ZFHX3: variants seen among roughly 807,000 people sequenced by gnomAD.
The protein encoded by ZFHX3 is zinc finger homeobox protein 3.
A neutral mutation model predicts 279.1 loss-of-function variants in ZFHX3; 42 were observed. That is an observed-to-expected ratio of 0.15 (90% CI 0.12 to 0.19). ZFHX3 has a LOEUF of 0.19. Among genes scored for constraint, ZFHX3 ranks in the 10% least tolerant of loss-of-function variants. The pLI is 1.00. For missense variants in ZFHX3, 4,981 were observed against 4,754.0 expected, an observed-to-expected ratio of 1.05 and a Z score of -1.40; for synonymous variants, 2,293 against 1,957.8, an observed-to-expected ratio of 1.17 and a Z score of -4.52.
intron 2 of ZFHX3, among the ~76,000 whole-genome samples, chr16:73,572,705 G>A (rs149222869): frequency 2.6e-5 from 4 of 152,288 alleles, no homozygotes; most frequent in African/African-American, 9.6e-5. Context: ...CTTGTGCCTG[G>A]CTTGTATTCA....
chr16:73,395,228 G>A (rs965150630), intron 3 of ZFHX3, among the ~76,000 whole-genome samples: 14 of 152,196 alleles, frequency 9.2e-5, no homozygotes, highest in Non-Finnish European at 2.1e-4. Flanking sequence ...ACTTTGGGAG[G>A]CCGAGGCAGG....
chr16:73,675,043 G>T (rs1302546652), intron 2 of ZFHX3, among the ~76,000 whole-genome samples: 1 of 152,134 alleles, frequency 6.6e-6, no homozygotes, highest in Non-Finnish European at 1.5e-5. Context: ...AGCTGTCAGT[G>T]ATACTCTGCC....
intron 8 of ZFHX3, among the ~76,000 whole-genome samples, chr16:73,090,236 A>T (rs1966056772): frequency 6.6e-6 from 1 of 151,956 alleles, no homozygotes; most frequent in African/African-American, 2.4e-5. Flanking sequence ...TCTATGAAAA[A>T]TACAAAAATT....
At chr16:73,056,083 G>T (rs567912408) in intron 1 of ZFHX3, among the ~76,000 whole-genome samples, 2 of 152,266 alleles carry the variant, frequency 1.3e-5, no homozygotes, top group South Asian at 4.2e-4. Context: ...ACAGACAGAG[G>T]AAGGCTGCTG....
chr16:73,292,565 A>T (rs568215977), intron 4 of ZFHX3, among the ~76,000 whole-genome samples: 1 of 152,382 alleles, frequency 6.6e-6, no homozygotes, highest in Non-Finnish European at 1.5e-5. Flanking sequence ...CTGAAAAAGG[A>T]TCTTTTATGT....
At chr16:73,328,572 A>G (rs2015738521) in intron 3 of ZFHX3, among the ~76,000 whole-genome samples, 1 of 152,220 alleles carries the variant, frequency 6.6e-6, no homozygotes, top group South Asian at 2.1e-4. Flanking sequence ...AAGACCACAT[A>G]GCTAGAAGTT....
intron 3 of ZFHX3, among the ~76,000 whole-genome samples, chr16:73,408,336 C>T (rs1311786238): frequency 6.6e-6 from 1 of 152,112 alleles, no homozygotes; most frequent in Non-Finnish European, 1.5e-5. Flanking sequence ...TCAACTCGGA[C>T]AAGCCAGAGT....
At chr16:72,934,879 C>T (rs1960029642) in intron 3 of ZFHX3, among the ~76,000 whole-genome samples, 1 of 152,116 alleles carries the variant, frequency 6.6e-6, no homozygotes, top group Non-Finnish European at 1.5e-5. Context: ...TTTTAAAGGC[C>T]CCTGGGCTAA....
chr16:73,676,979 G>GAAT (rs1303141433), intron 2 of ZFHX3, among the ~76,000 whole-genome samples: 1 of 151,894 alleles, frequency 6.6e-6, no homozygotes, highest in East Asian at 1.9e-4. Flanking sequence ...AAAAGTTAAA[G>GAAT]AATAGTAAGA....
chr16:72,894,205 G>A (rs1204556734), intron 3 of ZFHX3, among the ~76,000 whole-genome samples: 1 of 151,230 alleles, frequency 6.6e-6, no homozygotes, highest in Non-Finnish European at 1.5e-5. Context: ...GGAAACAGCT[G>A]TGCATAAACC....
chr16:73,333,433 G>C (rs2015844735), intron 3 of ZFHX3, among the ~76,000 whole-genome samples: 2 of 152,078 alleles, frequency 1.3e-5, no homozygotes, highest in South Asian at 4.2e-4. Context: ...CACATAAATA[G>C]GTAGATACAC....
chr16:72,928,484 G>A (rs971883199), intron 3 of ZFHX3, among the ~76,000 whole-genome samples: 3 of 151,920 alleles, frequency 2.0e-5, no homozygotes, highest in African/African-American at 7.3e-5. Flanking sequence ...GGCAGCACCC[G>A]GCTCACCAAG....
intron 2 of ZFHX3, among the ~76,000 whole-genome samples, chr16:73,552,032 A>T (rs562962066): frequency 2.6e-5 from 4 of 151,432 alleles, no homozygotes; most frequent in Admixed American, 6.6e-5. Flanking sequence ...TGTGTGTGTG[A>T]GAGAGAGAGA....
chr16:73,140,883 G>A (rs1223247892), intron 6 of ZFHX3, among the ~76,000 whole-genome samples: 2 of 151,976 alleles, frequency 1.3e-5, no homozygotes, highest in Admixed American at 6.6e-5. Context: ...AAAAAAACAC[G>A]AATGGGGAGA....
At chr16:73,004,110 A>C (rs73594738) in intron 1 of ZFHX3, among the ~76,000 whole-genome samples, 2,020 of 140,710 alleles carry the variant, frequency 0.014, 53 homozygotes, top group African/African-American at 0.052. Flanking sequence ...TTGCCCATTT[A>C]TCTCTTTTTA....
intron 3 of ZFHX3, among the ~76,000 whole-genome samples, chr16:72,938,354 T>C (rs1295402389): frequency 6.6e-6 from 1 of 152,270 alleles, no homozygotes; most frequent in Non-Finnish European, 1.5e-5. Flanking sequence ...ATCTGTTGGA[T>C]TAATTAGCTG....
intron 1 of ZFHX3, among the ~76,000 whole-genome samples, chr16:73,778,175 T>A (rs557594085): frequency 1.4e-5 from 2 of 139,536 alleles, no homozygotes; most frequent in African/African-American, 2.7e-5. Context: ...ATAATTCTTA[T>A]GCAACAACTC....
chr16:73,540,676 CT>C (rs2143748504), intron 2 of ZFHX3, among the ~76,000 whole-genome samples: 1 of 152,316 alleles, frequency 6.6e-6, no homozygotes, highest in East Asian at 1.9e-4. Flanking sequence ...TAATACCAGT[CT>C]GAAAATCATC....
chr16:73,323,719 A>G (rs8182155), intron 3 of ZFHX3, among the ~76,000 whole-genome samples: 60,857 of 151,550 alleles, frequency 0.4, 13,946 homozygotes, highest in Non-Finnish European at 0.53. Flanking sequence ...AAAGTCAGGA[A>G]AAGGGAGGAG....
Sources: allele counts gnomAD v4.1 joint callset (sites outside exome capture counted in the v4.1 genomes callset), GRCh38; gene constraint gnomAD v4.1.1; transcripts MANE v1.5; gene names NCBI Gene and HGNC (gene_info 2026-07-23, HGNC 2026-07-21).